The following TTC39C variants were observed in gnomAD, a reference collection of about 807,000 sequenced individuals.
TTC39C encodes tetratricopeptide repeat domain 39C, also known as tetratricopeptide repeat protein 39C.
TTC39C carries 33 observed loss-of-function variants against 76.3 expected under a neutral mutation model. The observed-to-expected ratio is 0.43, with a 90% CI of 0.33 to 0.58. The LOEUF (loss-of-function observed/expected upper bound fraction) is 0.58. TTC39C is among the 20% of genes least tolerant of loss of function. TTC39C has a pLI of 0.04. For missense variants in TTC39C, 595 were observed against 701.4 expected (o/e 0.85, Z 1.71); for synonymous variants, 254 against 260.6 (o/e 0.97, Z 0.24).
At chr18:24,105,332 AG>A (rs2084733068) in intron 6 of TTC39C, among the ~76,000 whole-genome samples, 1 of 152,246 alleles carries the variant, frequency 6.6e-6, no homozygotes, top group Non-Finnish European at 1.5e-5. Context: ...TAAAAGATAC[AG>A]GGAAATTGAC....
chr18:24,124,067 T>G, intron 9 of TTC39C, 124 bp downstream of exon 9: 1 of 635,020 alleles, frequency 1.6e-6, no homozygotes, highest in Non-Finnish European at 2.7e-6. Flanking sequence ...AAAGTGCAGT[T>G]CACCGCCATG....
At chr18:24,014,656 G>GCCCCT, upstream of TTC39C, 1 of 619,786 alleles carries the variant, frequency 1.6e-6, no homozygotes, top group Non-Finnish European at 2.2e-6. Context: ...CCGCGGCGGC[G>GCCCCT]GCCGGACGCC....
At chr18:24,014,165 G>C (rs2083415821), upstream of TTC39C, among the ~76,000 whole-genome samples, 1 of 152,236 alleles carries the variant, frequency 6.6e-6, no homozygotes, top group Non-Finnish European at 1.5e-5. Flanking sequence ...GGCTGCCCTG[G>C]TCCTAGGGGG....
intron 7 of TTC39C, among the ~76,000 whole-genome samples, chr18:24,116,844 A>G (rs1341564354): frequency 2.3e-5 from 1 of 43,072 alleles, no homozygotes. Context: ...TTTTTTTTTT[A>G]AGACAGGGTC....
intron 1 of TTC39C, among the ~76,000 whole-genome samples, chr18:24,000,846 C>T (rs2083305766): frequency 6.6e-6 from 1 of 152,182 alleles, no homozygotes; most frequent in South Asian, 2.1e-4. Context: ...GTCCTGTCAC[C>T]TGGTTATCCC....
At chr18:24,112,328 A>C (rs937404167) in intron 6 of TTC39C, among the ~76,000 whole-genome samples, 1 of 152,164 alleles carries the variant, frequency 6.6e-6, no homozygotes, top group East Asian at 1.9e-4. Context: ...CTGCATACAC[A>C]CTCCCCGAAG....
At chr18:24,036,538 A>G (rs866800184) in intron 1 of TTC39C, among the ~76,000 whole-genome samples, 33 of 152,188 alleles carry the variant, frequency 2.2e-4, no homozygotes, top group Non-Finnish European at 1.6e-4. Flanking sequence ...TAGAAATACA[A>G]CTGATTTTTA....
At chr18:24,028,280 C>T (rs1370499632) in intron 1 of TTC39C, among the ~76,000 whole-genome samples, 1 of 152,136 alleles carries the variant, frequency 6.6e-6, no homozygotes, top group Non-Finnish European at 1.5e-5. Context: ...GAGAAATTGC[C>T]AATGTGAAAA....
At chr18:24,093,527 A>G (rs971645996) in intron 6 of TTC39C, among the ~76,000 whole-genome samples, 1 of 151,636 alleles carries the variant, frequency 6.6e-6, no homozygotes, top group African/African-American at 2.4e-5. Flanking sequence ...GTATGATTTT[A>G]TACAATCTCT....
chr18:24,045,914 T>TATGTATATGTAC (rs1555769974), intron 1 of TTC39C, among the ~76,000 whole-genome samples: 11 of 31,078 alleles, frequency 3.5e-4, no homozygotes, highest in South Asian at 2.4e-3. Context: ...TATATATATA[T>TATGTATATGTAC]ATATATATAT....
rs527614113 is a variant in TTC39C at position 24,134,811 on chromosome 18, T to C, written c.*2237T>C. 6.6e-6 allele frequency: 1 copy of C among 152,324 alleles called. No homozygotes were observed. 9.4% of individuals were successfully genotyped at this position (152,324 alleles called of 1,614,324 possible). ...AAGATTATATAAGGTCCTGTGCTTT[T>C]GAATCTTTTTCAAAACATTTATTTC... On this transcript the variant is annotated 3_prime_UTR_variant, in exon 14 of 14. Coordinates refer to ENST00000317571, the MANE Select transcript of TTC39C (RefSeq NM_001135993.2).
intron 6 of TTC39C, among the ~76,000 whole-genome samples, chr18:24,109,176 C>CCAAAAAAAAA: frequency 1.4e-5 from 1 of 73,898 alleles, no homozygotes; most frequent in Non-Finnish European, 2.5e-5. Context: ...CCCGTCTCTA[C>CCAAAAAAAAA]AAAAAAAAAA....
chr18:24,067,806 C>T (rs1219384096), intron 3 of TTC39C, among the ~76,000 whole-genome samples: 4 of 152,232 alleles, frequency 2.6e-5, no homozygotes, highest in Admixed American at 6.5e-5. Flanking sequence ...GCTTGGTTTT[C>T]GGTGGCCCCT....
chr18:24,122,048 C>G (rs977328775), intron 8 of TTC39C, among the ~76,000 whole-genome samples: 1 of 152,170 alleles, frequency 6.6e-6, no homozygotes, highest in African/African-American at 2.4e-5. Flanking sequence ...TAGGAGGAAC[C>G]TGCCGTCTTT....
intron 4 of TTC39C, among the ~76,000 whole-genome samples, chr18:24,070,102 T>G (rs1195665750): frequency 6.6e-6 from 1 of 152,230 alleles, no homozygotes; most frequent in Non-Finnish European, 1.5e-5. Context: ...AAGCCGGTTT[T>G]TCCCCCTTTT....
intron 6 of TTC39C, among the ~76,000 whole-genome samples, chr18:24,093,499 T>C (rs974267540): frequency 6.4e-4 from 97 of 151,606 alleles, no homozygotes; most frequent in African/African-American, 2.0e-3. Flanking sequence ...AAAAAAGTAT[T>C]GAGAGTGTGC....
intron 4 of TTC39C, among the ~76,000 whole-genome samples, chr18:24,071,481 C>CCA (rs1476031590): frequency 6.6e-6 from 1 of 152,172 alleles, no homozygotes; most frequent in African/African-American, 2.4e-5. Flanking sequence ...TCCAATTTCA[C>CCA]CACTTAGAGA....
At chr18:24,066,836 G>A (rs561929520) in intron 3 of TTC39C, among the ~76,000 whole-genome samples, 9 of 152,254 alleles carry the variant, frequency 5.9e-5, no homozygotes, top group Non-Finnish European at 1.0e-4. Context: ...CAAGTGTCCC[G>A]CCTCCTGATG....
intron 6 of TTC39C, among the ~76,000 whole-genome samples, chr18:24,104,624 C>T (rs1172373248): frequency 6.6e-5 from 10 of 151,556 alleles, no homozygotes; most frequent in Admixed American, 5.9e-4. Context: ...ACAGAGACTT[C>T]GTTTGGGCCA....
Sources: gnomAD v4.1 joint callset for allele counts (sites outside exome capture counted in the v4.1 genomes callset) on GRCh38, gnomAD v4.1.1 for gene constraint, MANE v1.5 for transcripts, NCBI Gene and HGNC (gene_info 2026-07-23, HGNC 2026-07-21) for gene names.